TTC28: variants seen among roughly 807,000 people sequenced by gnomAD.
TTC28 encodes the protein tetratricopeptide repeat domain 28, also known as tetratricopeptide repeat protein 28.
In TTC28, 61 loss-of-function variants were observed where a neutral mutation model predicts 198.0. The ratio of observed to expected loss-of-function variants is 0.31; its 90% CI spans 0.25 to 0.38. TTC28 has a LOEUF of 0.38. Among genes scored for constraint, TTC28 ranks in the 10% least tolerant of loss-of-function variants. The probability of loss-of-function intolerance (pLI) is 1.00; values close to 1 mark genes in which losing one functional copy is unlikely to be tolerated. For synonymous variants in TTC28, 1,171 were observed against 1,297.8 expected (o/e 0.90, Z 2.10); for missense variants, 2,678 against 3,164.0 (o/e 0.85, Z 3.69).
intron 2 of TTC28, among the ~76,000 whole-genome samples, chr22:28,488,631 A>G (rs2048339058): frequency 6.6e-6 from 1 of 152,172 alleles, no homozygotes. Flanking sequence ...CTTTTCCTCT[A>G]TTATACAACT....
chr22:28,662,564 C>G (rs1157560468), intron 1 of TTC28, among the ~76,000 whole-genome samples: 1 of 152,188 alleles, frequency 6.6e-6, no homozygotes, highest in African/African-American at 2.4e-5. Flanking sequence ...AGTACTGACA[C>G]AGAGTACACA....
At chr22:28,059,923 A>C (rs1329717122) in intron 12 of TTC28, among the ~76,000 whole-genome samples, 1 of 151,674 alleles carries the variant, frequency 6.6e-6, no homozygotes, top group Non-Finnish European at 1.5e-5. Context: ...CTACCCATTT[A>C]TTTTCAATCT....
chr22:28,388,710 C>G lies in TTC28; in HGVS notation c.382-82067G>C, dbSNP rs1050625094. ...TGATTTTGTATCCTGAGAATTTGCT[C>G]AAGTTGCTTATCAGCTTAAGGAGAT... On this transcript the variant is annotated intron_variant, in intron 2 of 22. Transcript: ENST00000397906. 2.3e-4 allele frequency among the ~76,000 whole-genome samples: 35 copies of G among 152,200 alleles called. No individual in the cohort carries two copies. In the East Asian group the frequency reaches 2.7e-3, roughly 12 times the overall value.
At chr22:28,487,232 A>G (rs1026901277) in intron 2 of TTC28, among the ~76,000 whole-genome samples, 1 of 151,978 alleles carries the variant, frequency 6.6e-6, no homozygotes, top group African/African-American at 2.4e-5. Context: ...TAGCTTTATC[A>G]TTTTTTAATA....
At chr22:28,155,987 T>TA (rs1237010715) in intron 6 of TTC28, among the ~76,000 whole-genome samples, 5 of 152,070 alleles carry the variant, frequency 3.3e-5, no homozygotes, top group South Asian at 4.1e-4. Context: ...GGTGCAATAA[T>TA]AAAAAAATAA....
Position 28,001,427 on chromosome 22 carries a change from G to T in TTC28, c.4345C>A (p.Arg1449Ser), listed in dbSNP as rs896750037. 1 of 1,551,558 alleles carries T rather than the reference G, an allele frequency of 6.4e-7. No homozygotes were observed. The change falls in exon 15 of 23, where the codon CGC (arginine) becomes AGC (serine). Residue 1449 changes from arginine (R) to serine (S), a missense_variant. Arg to Ser is a moderately radical substitution (Grantham distance 110, BLOSUM62 -1). Coordinates refer to ENST00000397906, the MANE Select transcript of TTC28 (RefSeq NM_001145418.2). Reference protein sequence around the residue: ...GSSSNEYLYERFGLLAVPSIR... With the variant: ...GSSSNEYLYESFGLLAVPSIR... ...GAAGGGACAGCAAGGAGGCCGAAGCGCTCGTAGAGGTACTCATTGGAGGAG... is the reference window on the plus strand; with the variant it reads ...GAAGGGACAGCAAGGAGGCCGAAGCTCTCGTAGAGGTACTCATTGGAGGAG...
intron 2 of TTC28, among the ~76,000 whole-genome samples, chr22:28,413,122 T>C (rs2047109378): frequency 6.6e-6 from 1 of 152,138 alleles, no homozygotes; most frequent in African/African-American, 2.4e-5. Flanking sequence ...GCCTAATCAC[T>C]CCTTTCAGAT....
chr22:28,515,792 T>C (rs79389503), intron 2 of TTC28, among the ~76,000 whole-genome samples: 5,458 of 152,234 alleles, frequency 0.036, 155 homozygotes, highest in African/African-American at 0.069. Flanking sequence ...TGGATAGTAA[T>C]AATTGCCATT....
chr22:28,089,685 TAAAATAA>T (rs1941748767), intron 12 of TTC28, among the ~76,000 whole-genome samples: 1 of 127,326 alleles, frequency 7.9e-6, no homozygotes, highest in Non-Finnish European at 1.7e-5. Flanking sequence ...TAAAATAAAA[TAAAATAA>T]AAAATAAAAA....
At chr22:28,220,414 C>G (rs1030248950) in intron 5 of TTC28, among the ~76,000 whole-genome samples, 4 of 152,208 alleles carry the variant, frequency 2.6e-5, no homozygotes, top group Admixed American at 1.3e-4. Context: ...GTCAGCTAGA[C>G]CTGGTTCTCA....
chr22:28,564,585 G>A (rs2049941416), intron 2 of TTC28, among the ~76,000 whole-genome samples: 1 of 151,646 alleles, frequency 6.6e-6, no homozygotes, highest in Admixed American at 6.6e-5. Flanking sequence ...AGTATTCCGT[G>A]GTTTTCCACC....
chr22:28,390,737 C>G (rs2046704201), intron 2 of TTC28, among the ~76,000 whole-genome samples: 1 of 152,114 alleles, frequency 6.6e-6, no homozygotes, highest in African/African-American at 2.4e-5. Context: ...CTATGTGTGT[C>G]TCTGCATGTG....
chr22:28,311,548 A>G (rs1367328817), intron 2 of TTC28, among the ~76,000 whole-genome samples: 2 of 152,202 alleles, frequency 1.3e-5, no homozygotes, highest in East Asian at 1.9e-4. Flanking sequence ...GTAGGTATAT[A>G]TATTTATGGG....
chr22:28,315,000 T>C (rs1028180650), intron 2 of TTC28, among the ~76,000 whole-genome samples: 2 of 152,228 alleles, frequency 1.3e-5, no homozygotes, highest in Non-Finnish European at 2.9e-5. Flanking sequence ...GAATATTTGC[T>C]GCTTTTCTTC....
chr22:28,027,788 G>T (rs886181552), intron 13 of TTC28, among the ~76,000 whole-genome samples: 2 of 152,246 alleles, frequency 1.3e-5, no homozygotes, highest in African/African-American at 2.4e-5. Flanking sequence ...AGGGAGGCCT[G>T]GGACCCCACA....
At chr22:28,085,848 C>T (rs1033208483) in intron 12 of TTC28, among the ~76,000 whole-genome samples, 11 of 152,028 alleles carry the variant, frequency 7.2e-5, no homozygotes, top group Non-Finnish European at 5.9e-5. Flanking sequence ...CAAAAAAAGG[C>T]AGGGGTTGCA....
chr22:28,096,208 G>A lies in TTC28; in HGVS notation c.3748C>T (p.Leu1250=), dbSNP rs1941966808. Residue 1250 remains leucine (L), a synonymous_variant, in exon 11 of 23, where the codon CTG becomes TTG. Coordinates refer to ENST00000397906, the MANE Select transcript of TTC28 (RefSeq NM_001145418.2). ...SLAAGYLYSW[L]LAPGAGIVKF... The stretch of plus-strand genomic sequence containing the variant: ...ATCTTACCTGCCCCAGGAGCCAGCA[G>A]CCAGCTATACAGATAGCCTGCAGCC... 1 of 1,544,910 alleles carries A rather than the reference G, an allele frequency of 6.5e-7. No individual in the cohort carries two copies. Among genetic ancestry groups the A allele is most frequent in the Admixed American group, 2.0e-5 (1 of 50,750 alleles).
chr22:28,126,637 G>A (rs965242475), intron 6 of TTC28, among the ~76,000 whole-genome samples: 1 of 152,204 alleles, frequency 6.6e-6, no homozygotes, highest in Non-Finnish European at 1.5e-5. Flanking sequence ...CAAAGTAACT[G>A]AAGTGATCTC....
At chr22:28,196,423 C>A (rs1288687603) in intron 5 of TTC28, among the ~76,000 whole-genome samples, 1 of 152,050 alleles carries the variant, frequency 6.6e-6, no homozygotes, top group Non-Finnish European at 1.5e-5. Flanking sequence ...GCAACAAAAG[C>A]CAAAATTGAC....
Sources: gnomAD v4.1 joint callset for allele counts (sites outside exome capture counted in the v4.1 genomes callset) on GRCh38, gnomAD v4.1.1 for gene constraint, MANE v1.5 for transcripts, NCBI Gene and HGNC (gene_info 2026-07-23, HGNC 2026-07-21) for gene names.